Variants in TRAPPC9 observed in about 807,000 individuals in gnomAD.
The protein encoded by TRAPPC9 is IKK2 binding protein.
In TRAPPC9, 83 loss-of-function variants were observed where a neutral mutation model predicts 124.0. That is an observed-to-expected ratio of 0.67 (90% confidence interval 0.56 to 0.80). The LOEUF is 0.80. Ranked by LOEUF, TRAPPC9 falls within the 30% of genes least tolerant of loss-of-function variation. The pLI is 0.00. For synonymous variants in TRAPPC9, 638 were observed against 617.5 expected (o/e 1.03, Z -0.49); for missense variants, 1,302 against 1,508.3 (o/e 0.86, Z 2.27).
intron 21 of TRAPPC9, among the ~76,000 whole-genome samples, chr8:139,796,057 A>AGAGGAAGAAGAG (rs1823049583): frequency 1.5e-5 from 2 of 132,302 alleles, no homozygotes; most frequent in Non-Finnish European, 3.1e-5. Context: ...AGGAGGAGGA[A>AGAGGAAGAAGAG]GAGGAAGAAG....
In TRAPPC9 at chr8:139,962,832, C is replaced by T. The variant is rs1004084063; in HGVS notation, c.2810+25894G>A. On this transcript the variant is annotated intron_variant, in intron 19 of 22. Coordinates refer to ENST00000438773, the MANE Select transcript of TRAPPC9 (RefSeq NM_001160372.4). Reference sequence around the variant, plus strand: ...GAGAGGGAGGCAGTTGGGTTGGAGCCACAGAAGGAGGCAAACTTATGCAGA... The same window carrying T: ...GAGAGGGAGGCAGTTGGGTTGGAGCTACAGAAGGAGGCAAACTTATGCAGA... 2.5e-4 allele frequency among the ~76,000 whole-genome samples: 16 copies of T among 64,844 alleles called. 5 individuals carry two copies. Among genetic ancestry groups the T allele is most frequent in the Admixed American group, 5.5e-4 (3 of 5,450 alleles). 42.5% of individuals were successfully genotyped at this position (64,844 alleles called of 152,430 possible).
At chr8:139,981,544 G>A (rs752465922) in intron 19 of TRAPPC9, among the ~76,000 whole-genome samples, 1 of 152,174 alleles carries the variant, frequency 6.6e-6, no homozygotes, top group African/African-American at 2.4e-5. Flanking sequence ...GGCGCCACAC[G>A]GTTAAGCATC....
intron 8 of TRAPPC9, among the ~76,000 whole-genome samples, chr8:140,363,594 C>G (rs997059779): frequency 5.9e-5 from 9 of 151,864 alleles, no homozygotes; most frequent in Non-Finnish European, 8.8e-5. Context: ...CCTCCTGACA[C>G]AAACGTCTTT....
chr8:139,763,477 G>A (rs934233632), intron 21 of TRAPPC9, among the ~76,000 whole-genome samples: 21 of 140,952 alleles, frequency 1.5e-4, no homozygotes, highest in African/African-American at 5.1e-4. Flanking sequence ...TTCACTCATA[G>A]CAAATATTCA....
At chr8:140,395,007 T>C (rs2069047237) in intron 7 of TRAPPC9, among the ~76,000 whole-genome samples, 1 of 152,164 alleles carries the variant, frequency 6.6e-6, no homozygotes, top group African/African-American at 2.4e-5. Context: ...GTTGGTTCAT[T>C]TGCCCGGCAT....
intron 20 of TRAPPC9, among the ~76,000 whole-genome samples, chr8:139,886,536 G>T (rs937693865): frequency 7.9e-5 from 12 of 152,096 alleles, no homozygotes; most frequent in Non-Finnish European, 4.4e-5. Context: ...TCTCCCTTGC[G>T]CTAGTATTAA....
At chr8:140,284,515 T>G (rs1372913450) in intron 13 of TRAPPC9, among the ~76,000 whole-genome samples, 1 of 152,184 alleles carries the variant, frequency 6.6e-6, no homozygotes, top group Admixed American at 6.5e-5. Context: ...GTGCTGTGTG[T>G]GTATAAGCAC....
chr8:139,970,441 G>A (rs1332442760), intron 19 of TRAPPC9, among the ~76,000 whole-genome samples: 4 of 152,174 alleles, frequency 2.6e-5, no homozygotes, highest in African/African-American at 9.7e-5. Context: ...AGGGGAGGGA[G>A]GGTACAAGGG....
chr8:140,065,023 A>T (rs1393599587), intron 17 of TRAPPC9, among the ~76,000 whole-genome samples: 1 of 152,196 alleles, frequency 6.6e-6, no homozygotes, highest in Non-Finnish European at 1.5e-5. Flanking sequence ...CTTCGCCCAA[A>T]GGATAAGGTT....
intron 7 of TRAPPC9, among the ~76,000 whole-genome samples, chr8:140,387,235 A>G (rs901769170): frequency 1.3e-5 from 2 of 152,186 alleles, no homozygotes; most frequent in South Asian, 2.1e-4. Flanking sequence ...TAAGTCTTTA[A>G]CTAAACTTTA....
chr8:139,988,864 A>T (rs1837441237), intron 18 of TRAPPC9, 28 bp from the exon 19 acceptor site: 1 of 1,444,332 alleles, frequency 6.9e-7, no homozygotes, highest in African/African-American at 1.4e-5. Flanking sequence ...GAAAGTTCAG[A>T]ATCCTCTGAC....
chr8:140,334,037 TGAGA>T (rs2066968232), intron 9 of TRAPPC9, among the ~76,000 whole-genome samples: 3 of 152,250 alleles, frequency 2.0e-5, no homozygotes, highest in African/African-American at 7.2e-5. Context: ...TGTTTACAGA[TGAGA>T]GAAATTGAAG....
chr8:140,004,630 G>GT (rs1473414319), intron 18 of TRAPPC9, among the ~76,000 whole-genome samples: 1 of 152,086 alleles, frequency 6.6e-6, no homozygotes, highest in Admixed American at 6.5e-5. Flanking sequence ...AACATGGGGG[G>GT]TGGGGCTATT....
intron 5 of TRAPPC9, among the ~76,000 whole-genome samples, chr8:140,411,403 G>A (rs1053424171): frequency 6.6e-6 from 1 of 152,150 alleles, no homozygotes; most frequent in African/African-American, 2.4e-5. Context: ...GTGCAGTGGC[G>A]AAATCTTGGC....
At chr8:140,350,919 G>C (rs959347836) in intron 9 of TRAPPC9, among the ~76,000 whole-genome samples, 1 of 152,020 alleles carries the variant, frequency 6.6e-6, no homozygotes, top group Non-Finnish European at 1.5e-5. Context: ...ACTGTGAGGG[G>C]TGTCCGGAGA....
intron 7 of TRAPPC9, among the ~76,000 whole-genome samples, chr8:140,389,618 C>T (rs1486439426): frequency 2.6e-5 from 4 of 152,022 alleles, no homozygotes; most frequent in Non-Finnish European, 5.9e-5. Context: ...AGATACAGTC[C>T]CCAGTCTAGA....
intron 21 of TRAPPC9, among the ~76,000 whole-genome samples, chr8:139,813,869 G>A (rs903310333): frequency 6.6e-6 from 1 of 151,856 alleles, no homozygotes; most frequent in African/African-American, 2.4e-5. Flanking sequence ...CCGGGGGTGA[G>A]GTGACGGTGC....
intron 6 of TRAPPC9, 56 bp from the exon 7 acceptor site, chr8:140,397,801 C>A: frequency 6.2e-7 from 1 of 1,608,176 alleles, no homozygotes; most frequent in Non-Finnish European, 8.5e-7. Flanking sequence ...GTTTCTGTCA[C>A]ATTCTAAAGG....
At chr8:139,974,484 C>T (rs771474669) in intron 19 of TRAPPC9, among the ~76,000 whole-genome samples, 1 of 152,238 alleles carries the variant, frequency 6.6e-6, no homozygotes, top group Non-Finnish European at 1.5e-5. Context: ...TCACTACAAC[C>T]TCTTGGCAAC....
Sources: gnomAD v4.1 joint callset for allele counts (sites outside exome capture counted in the v4.1 genomes callset) on GRCh38, gnomAD v4.1.1 for gene constraint, MANE v1.5 for transcripts, NCBI Gene and HGNC (gene_info 2026-07-23, HGNC 2026-07-21) for gene names.